SBNO1: variants seen among roughly 807,000 people sequenced by gnomAD.
The protein encoded by SBNO1 is strawberry notch homolog 1.
SBNO1 carries 23 observed loss-of-function variants against 173.6 expected under a neutral mutation model. The ratio of observed to expected loss-of-function variants is 0.13; its 90% CI spans 0.10 to 0.19. SBNO1 has a LOEUF of 0.19. SBNO1 is among the 10% of genes least tolerant of loss of function. The pLI is 1.00. For synonymous variants in SBNO1, 632 were observed against 571.5 expected (o/e 1.11, Z -1.51); for missense variants, 1,238 against 1,671.2 (o/e 0.74, Z 4.52).
rs1196956049 is a variant in SBNO1, at chr12:123,302,894, A to C, written c.3775T>G (p.Ser1259Ala). 6.2e-7 allele frequency: 1 copy of C among 1,611,042 alleles called. No homozygotes were observed. The highest frequency in any genetic ancestry group is 8.5e-7 in the Non-Finnish European group (1 of 1,177,358). The change falls in exon 30 of 32, where the codon TCA (serine) becomes GCA (alanine). Residue 1259 changes from serine (S) to alanine (A), a missense_variant. Ser to Ala is a moderately conservative substitution (Grantham distance 99). Transcript: ENST00000602398. The stretch of plus-strand genomic sequence containing the variant: ...AACCAGTGCATCAGGGCATCATCTG[A>C]GACGACCTGTAAAAATGAGAAGAAT... ...DLKKKYKKVV[S>A]DDALMHWLDQ...
At chr12:123,343,410 TAAG>T (rs889786435) in intron 4 of SBNO1, among the ~76,000 whole-genome samples, 3 of 152,062 alleles carry the variant, frequency 2.0e-5, no homozygotes, top group Non-Finnish European at 4.4e-5. Context: ...ACCACACAGA[TAAG>T]AAGTAGAACA....
intron 1 of SBNO1, chr12:123,364,367 C>T (rs1875838864): frequency 1.0e-6 from 1 of 985,212 alleles, no homozygotes; most frequent in Non-Finnish European, 1.2e-6. Flanking sequence ...CCAGCGGAGC[C>T]GGCGTGCACA....
At chr12:123,341,112 C>T in intron 4 of SBNO1, 24 bp from the exon 5 acceptor site, 1 of 1,310,782 alleles carries the variant, frequency 7.6e-7, no homozygotes, top group East Asian at 2.4e-5. Context: ...AGTCAAATTA[C>T]ATTTAGAAGA....
At chr12:123,311,263 G>GA in intron 24 of SBNO1, 134 bp from the exon 25 acceptor site, 1 of 654,676 alleles carries the variant, frequency 1.5e-6, no homozygotes, top group Admixed American at 2.6e-5. Context: ...TAAACATGGA[G>GA]AAAATGTGGA....
At chr12:123,323,304 A>AAAGT (rs1194715267) in intron 16 of SBNO1, among the ~76,000 whole-genome samples, 1 of 152,220 alleles carries the variant, frequency 6.6e-6, no homozygotes, top group East Asian at 1.9e-4. Flanking sequence ...TAGCCACTTT[A>AAAGT]AAATGCTTAT....
chr12:123,323,366 C>G (rs890418294), intron 16 of SBNO1, among the ~76,000 whole-genome samples: 3 of 151,752 alleles, frequency 2.0e-5, no homozygotes, highest in African/African-American at 7.3e-5. Flanking sequence ...TTTTCTTTTT[C>G]TTTTTTGAGA....
intron 6 of SBNO1, among the ~76,000 whole-genome samples, chr12:123,335,629 T>C (rs987016614): frequency 6.6e-6 from 1 of 152,224 alleles, no homozygotes; most frequent in Non-Finnish European, 1.5e-5. Flanking sequence ...GTACAACTAC[T>C]TAACATTGCT....
intron 24 of SBNO1, among the ~76,000 whole-genome samples, chr12:123,311,646 C>T (rs569880855): frequency 6.0e-5 from 9 of 151,194 alleles, no homozygotes; most frequent in East Asian, 1.9e-4. Flanking sequence ...TGAGCCACTG[C>T]GCCCAGCTGC....
At chr12:123,347,363 A>G (rs1593404625) in intron 3 of SBNO1, among the ~76,000 whole-genome samples, 1 of 151,502 alleles carries the variant, frequency 6.6e-6, no homozygotes, top group Middle Eastern at 3.4e-3. Context: ...AGTAGCTGGG[A>G]CTACAGGCGC....
At chr12:123,296,551 ATG>A (rs1475213718) in intron 31 of SBNO1, among the ~76,000 whole-genome samples, 1 of 133,692 alleles carries the variant, frequency 7.5e-6, no homozygotes, top group African/African-American at 2.5e-5. Flanking sequence ...GCATATATAT[ATG>A]TGTTTTTTTT....
intron 5 of SBNO1, among the ~76,000 whole-genome samples, chr12:123,340,702 T>C (rs974732511): frequency 3.9e-5 from 6 of 152,150 alleles, no homozygotes; most frequent in African/African-American, 1.4e-4. Context: ...TCAAATACTT[T>C]TCGTTAACCC....
intron 5 of SBNO1, among the ~76,000 whole-genome samples, chr12:123,338,920 CCCCCT>C (rs1198412737): frequency 6.7e-4 from 13 of 19,272 alleles, no homozygotes; most frequent in East Asian, 1.1e-3. Flanking sequence ...ACGCCCCCCC[CCCCCT>C]CCCCGACTAG....
At chr12:123,301,272 G>A (rs2048783059) in intron 30 of SBNO1, among the ~76,000 whole-genome samples, 1 of 151,986 alleles carries the variant, frequency 6.6e-6, no homozygotes, top group African/African-American at 2.4e-5. Context: ...TCAAAGTGCT[G>A]GTACTACCAG....
intron 1 of SBNO1, among the ~76,000 whole-genome samples, chr12:123,354,890 A>G (rs771304789): frequency 3.3e-5 from 5 of 152,124 alleles, no homozygotes; most frequent in Non-Finnish European, 5.9e-5. Context: ...TTCAATTTTT[A>G]TCATAAATAC....
Position 123,311,081 on chromosome 12 carries a change from C to A in SBNO1, c.3269G>T (p.Arg1090Leu). 2 of 1,613,340 alleles carry A rather than the reference C, an allele frequency of 1.2e-6. No individual in the cohort carries two copies. The change falls in exon 25 of 32, where the codon CGC becomes CTC. Residue 1090 changes from arginine (R) to leucine (L), a missense_variant. Physicochemically the swap from Arg to Leu is moderately radical, Grantham distance 102. Coordinates refer to ENST00000602398, the MANE Select transcript of SBNO1 (RefSeq NM_001167856.3). ...TTTATCGAGAGTAAGAATTCCCGAG[C>A]GATCTTCTACATTTATCAGGCCAAC... ...IGVGLINVED[R>L]SGILTLDKDY...
intron 7 of SBNO1, among the ~76,000 whole-genome samples, chr12:123,332,252 C>CTT (rs948664148): frequency 6.6e-6 from 1 of 152,148 alleles, no homozygotes; most frequent in Non-Finnish European, 1.5e-5. Context: ...CGCCATACCC[C>CTT]TTATCAACAC....
chr12:123,339,850 C>T (rs1326160504), intron 5 of SBNO1, among the ~76,000 whole-genome samples: 2 of 152,060 alleles, frequency 1.3e-5, no homozygotes, highest in Non-Finnish European at 2.9e-5. Flanking sequence ...ACCTACTATT[C>T]CCACTTCTTT....
At chr12:123,314,959 T>C (rs888841377) in intron 23 of SBNO1, among the ~76,000 whole-genome samples, 1 of 151,720 alleles carries the variant, frequency 6.6e-6, no homozygotes, top group Non-Finnish European at 1.5e-5. Context: ...GCCAGGCTGG[T>C]CTCGAACTCC....
intron 20 of SBNO1, 77 bp from the exon 21 acceptor site, chr12:123,317,433 G>A: frequency 7.9e-7 from 1 of 1,266,610 alleles, no homozygotes; most frequent in Non-Finnish European, 1.1e-6. Context: ...AAGTCCTTCA[G>A]CAGACTGCCT....
Sources: gnomAD v4.1 joint callset for allele counts (sites outside exome capture counted in the v4.1 genomes callset) on GRCh38, gnomAD v4.1.1 for gene constraint, MANE v1.5 for transcripts, NCBI Gene and HGNC (gene_info 2026-07-23, HGNC 2026-07-21) for gene names.